Variants in GABRB1 observed in about 807,000 individuals in gnomAD.
GABRB1 encodes the protein gamma-aminobutyric acid receptor subunit beta-1.
A neutral mutation model predicts 51.6 loss-of-function variants in GABRB1; 17 were observed. That is an observed-to-expected ratio of 0.33 (90% CI 0.23 to 0.49). GABRB1 has a LOEUF of 0.49. Among genes scored for constraint, GABRB1 ranks in the 20% least tolerant of loss-of-function variants. GABRB1 has a pLI of 0.99. For synonymous variants in GABRB1, 247 were observed against 218.9 expected, an observed-to-expected ratio of 1.13 and a Z score of -1.14; for missense variants, 410 against 600.6, an observed-to-expected ratio of 0.68 and a Z score of 3.32.
intron 3 of GABRB1, among the ~76,000 whole-genome samples, chr4:47,155,713 CTAGA>C (rs1049368500): frequency 1.3e-5 from 2 of 151,548 alleles, no homozygotes; most frequent in African/African-American, 4.8e-5. Context: ...ATTCCAAATG[CTAGA>C]TAATTAATGG....
chr4:47,103,434 T>C (rs1714808381), intron 3 of GABRB1, among the ~76,000 whole-genome samples: 1 of 152,032 alleles, frequency 6.6e-6, no homozygotes, highest in South Asian at 2.1e-4. Context: ...TTTATTGAAC[T>C]AACACTTTTT....
chr4:47,013,610 G>T (rs147389166), intron 1 of GABRB1, among the ~76,000 whole-genome samples: 1 of 152,230 alleles, frequency 6.6e-6, no homozygotes, highest in East Asian at 1.9e-4. Context: ...AGATATTTTC[G>T]TGTGTGCAGT....
chr4:47,054,265 G>A (rs916049390), intron 3 of GABRB1, among the ~76,000 whole-genome samples: 14 of 152,068 alleles, frequency 9.2e-5, no homozygotes, highest in Non-Finnish European at 1.5e-4. Context: ...AGGGAGACCA[G>A]GAGAATGTGT....
intron 4 of GABRB1, among the ~76,000 whole-genome samples, chr4:47,257,941 G>T (rs1722278583): frequency 6.6e-6 from 1 of 151,758 alleles, no homozygotes; most frequent in Non-Finnish European, 1.5e-5. Context: ...AAGAGTATGG[G>T]GAAAAAATGA....
chr4:46,999,034 G>T (rs1021378962), intron 1 of GABRB1, among the ~76,000 whole-genome samples: 2 of 151,990 alleles, frequency 1.3e-5, no homozygotes, highest in Non-Finnish European at 2.9e-5. Context: ...TGGTATGTGC[G>T]AATTTTTAGT....
intron 5 of GABRB1, among the ~76,000 whole-genome samples, chr4:47,331,640 C>T (rs1322664488): frequency 1.3e-5 from 2 of 151,914 alleles, no homozygotes; most frequent in African/African-American, 2.4e-5. Flanking sequence ...TAGGAAACAA[C>T]CAAACACTTA....
chr4:47,114,441 T>A (rs866474288), intron 3 of GABRB1, among the ~76,000 whole-genome samples: 1 of 152,194 alleles, frequency 6.6e-6, no homozygotes, highest in Non-Finnish European at 1.5e-5. Context: ...ACCAGTGTGT[T>A]CATCCTCATC....
chr4:47,057,469 A>G (rs1221137883), intron 3 of GABRB1, among the ~76,000 whole-genome samples: 4 of 152,254 alleles, frequency 2.6e-5, no homozygotes, highest in Admixed American at 2.6e-4. Context: ...TCAGAAGAGA[A>G]CCTGAATAGG....
intron 4 of GABRB1, among the ~76,000 whole-genome samples, chr4:47,308,521 G>C (rs924666360): frequency 2.0e-5 from 3 of 152,004 alleles, no homozygotes; most frequent in Non-Finnish European, 4.4e-5. Context: ...AAACAACACA[G>C]TATCTTAATA....
At chr4:47,074,217 A>G (rs541223062) in intron 3 of GABRB1, among the ~76,000 whole-genome samples, 2 of 152,356 alleles carry the variant, frequency 1.3e-5, no homozygotes, top group South Asian at 2.1e-4. Context: ...AAGATAGTAT[A>G]TTAAAAATGC....
At chr4:47,146,953 T>A (rs1047854150) in intron 3 of GABRB1, among the ~76,000 whole-genome samples, 1 of 152,108 alleles carries the variant, frequency 6.6e-6, no homozygotes, top group African/African-American at 2.4e-5. Flanking sequence ...GGAATTTGAT[T>A]GGTTGAATGA....
intron 5 of GABRB1, among the ~76,000 whole-genome samples, chr4:47,349,027 T>A (rs1382341279): frequency 6.6e-6 from 1 of 152,190 alleles, no homozygotes; most frequent in Non-Finnish European, 1.5e-5. Flanking sequence ...TAAACACGGA[T>A]GCCATCTACC....
chr4:47,383,007 T>C (rs1047485955), intron 5 of GABRB1, among the ~76,000 whole-genome samples: 2 of 152,228 alleles, frequency 1.3e-5, no homozygotes, highest in African/African-American at 4.8e-5. Flanking sequence ...ATAACCTCTG[T>C]GACACCAATC....
At chr4:47,043,850 C>A (rs1361185146) in intron 3 of GABRB1, among the ~76,000 whole-genome samples, 1 of 151,996 alleles carries the variant, frequency 6.6e-6, no homozygotes, top group East Asian at 1.9e-4. Flanking sequence ...ATGTAGCTAA[C>A]CTTGAGAGAG....
chr4:47,289,319 A>G (rs1281382122), intron 4 of GABRB1, among the ~76,000 whole-genome samples: 1 of 152,222 alleles, frequency 6.6e-6, no homozygotes, highest in Non-Finnish European at 1.5e-5. Context: ...AAAGTGCATT[A>G]TCTCTTTGAA....
intron 8 of GABRB1, among the ~76,000 whole-genome samples, chr4:47,413,199 C>T (rs549570433): frequency 2.0e-5 from 3 of 152,274 alleles, no homozygotes; most frequent in African/African-American, 4.8e-5. Context: ...ACAGAAATTC[C>T]GCCGAGGTCT....
At chr4:47,299,285 C>T (rs1398472489) in intron 4 of GABRB1, among the ~76,000 whole-genome samples, 1 of 152,002 alleles carries the variant, frequency 6.6e-6, no homozygotes, top group East Asian at 1.9e-4. Flanking sequence ...AAGAAACTAC[C>T]ATCAGAGTGA....
intron 4 of GABRB1, among the ~76,000 whole-genome samples, chr4:47,182,159 T>G (rs1718978614): frequency 6.6e-6 from 1 of 151,672 alleles, no homozygotes; most frequent in Admixed American, 6.6e-5. Flanking sequence ...CTTGTTGAGG[T>G]TAAAAGGATT....
At chr4:47,014,193 A>G (rs940780448) in intron 1 of GABRB1, among the ~76,000 whole-genome samples, 5 of 152,180 alleles carry the variant, frequency 3.3e-5, no homozygotes, top group African/African-American at 4.8e-5. Context: ...TCCATATATT[A>G]TTGGAACTGG....
Sources: allele counts gnomAD v4.1 joint callset (sites outside exome capture counted in the v4.1 genomes callset), GRCh38; gene constraint gnomAD v4.1.1; transcripts MANE v1.5; gene names NCBI Gene and HGNC (gene_info 2026-07-23, HGNC 2026-07-21).